Variants in GPC5 observed in about 807,000 individuals in gnomAD.
The protein encoded by GPC5 is glypican-5.
A neutral mutation model predicts 53.9 loss-of-function variants in GPC5; 47 were observed. That is an observed-to-expected ratio of 0.87 (90% CI 0.69 to 1.11). The LOEUF is 1.11. GPC5 is among the 50% of genes most tolerant of loss of function. The pLI is 0.00. For missense variants in GPC5, 748 were observed against 713.1 expected (o/e 1.05, Z -0.56); for synonymous variants, 286 against 263.3 (o/e 1.09, Z -0.84).
At chr13:91,566,931 C>T (rs1488768510) in intron 2 of GPC5, among the ~76,000 whole-genome samples, 44 of 140,782 alleles carry the variant, frequency 3.1e-4, no homozygotes, top group Non-Finnish European at 3.2e-4. Flanking sequence ...TCTTCCAATT[C>T]TTTTTTTTTT....
At chr13:92,294,814 T>C (rs1594077032) in intron 7 of GPC5, among the ~76,000 whole-genome samples, 2 of 131,548 alleles carry the variant, frequency 1.5e-5, no homozygotes, top group South Asian at 2.4e-4. Flanking sequence ...TGTTTCTTTC[T>C]TTTTTTTTTT....
intron 6 of GPC5, among the ~76,000 whole-genome samples, chr13:92,125,560 TGGGAGAGAGAAA>T (rs2041687703): frequency 6.6e-6 from 1 of 151,410 alleles, no homozygotes; most frequent in South Asian, 2.1e-4. Context: ...AGGACAGAGA[TGGGAGAGAGAAA>T]GGGAGGGGGA....
intron 6 of GPC5, among the ~76,000 whole-genome samples, chr13:92,028,038 A>G: frequency 6.6e-6 from 1 of 152,240 alleles, no homozygotes; most frequent in South Asian, 2.1e-4. Context: ...AATGTCAATA[A>G]CATTGGGGTA....
intron 6 of GPC5, among the ~76,000 whole-genome samples, chr13:92,025,069 G>A (rs1197633871): frequency 6.6e-6 from 1 of 152,006 alleles, no homozygotes; most frequent in African/African-American, 2.4e-5. Context: ...CCTTTCTTCT[G>A]TTACTGTCTT....
intron 6 of GPC5, among the ~76,000 whole-genome samples, chr13:91,974,728 C>T (rs1214310766): frequency 1.3e-5 from 2 of 152,190 alleles, no homozygotes; most frequent in African/African-American, 2.4e-5. Flanking sequence ...CCATCCCCAT[C>T]AAGTTACCAA....
intron 7 of GPC5, among the ~76,000 whole-genome samples, chr13:92,404,323 G>T (rs771081114): frequency 6.6e-6 from 1 of 152,108 alleles, no homozygotes; most frequent in African/African-American, 2.4e-5. Context: ...TCATGTTGAC[G>T]TCTGTGTCAC....
chr13:92,479,895 C>T (rs546761852), intron 7 of GPC5, among the ~76,000 whole-genome samples: 7 of 152,062 alleles, frequency 4.6e-5, no homozygotes, highest in African/African-American at 2.4e-5. Context: ...ATGTAAAATG[C>T]GTTTCTCAAT....
intron 6 of GPC5, among the ~76,000 whole-genome samples, chr13:92,092,794 A>G (rs1170866453): frequency 6.6e-6 from 1 of 152,182 alleles, no homozygotes; most frequent in Admixed American, 6.6e-5. Context: ...CAAATGTAAA[A>G]TGAATATATG....
At chr13:92,119,755 G>A (rs1294101607) in intron 6 of GPC5, among the ~76,000 whole-genome samples, 2 of 151,648 alleles carry the variant, frequency 1.3e-5, no homozygotes, top group African/African-American at 4.9e-5. Context: ...AATTTTGTAA[G>A]GAAAAATAAT....
At position 92,706,839 on chromosome 13, in the gene GPC5, G is replaced by A. The variant is rs115487110; in HGVS notation, c.1562-159443G>A. On this transcript the variant is annotated intron_variant, in intron 7 of 7. Transcript: ENST00000377067. ...GAATGTTTGTGTCCCTGCAAAATTC[G>A]TATGTTGAAATCCTAATTCCTAATG... Among the ~76,000 whole-genome samples the A allele has an allele frequency of 9.3e-3, 1,420 of 152,210 alleles. 27 individuals carry two copies. Among genetic ancestry groups the A allele is most frequent in the African/African-American group, 0.033 (1,371 of 41,536 alleles).
At chr13:92,863,206 C>T (rs555078843) in intron 7 of GPC5, among the ~76,000 whole-genome samples, 17 of 152,244 alleles carry the variant, frequency 1.1e-4, no homozygotes, top group Admixed American at 8.5e-4. Flanking sequence ...TGCTTGGAAT[C>T]AGGGAGGCAG....
intron 7 of GPC5, among the ~76,000 whole-genome samples, chr13:92,367,614 A>G (rs1254072174): frequency 2.0e-5 from 3 of 152,230 alleles, no homozygotes; most frequent in Admixed American, 6.5e-5. Flanking sequence ...TTATCTGCTG[A>G]AAATAATTTT....
At chr13:91,776,135 A>G (rs371315695) in intron 5 of GPC5, among the ~76,000 whole-genome samples, 5 of 152,252 alleles carry the variant, frequency 3.3e-5, no homozygotes, top group African/African-American at 7.2e-5. Flanking sequence ...AAGATCATCA[A>G]TGTTGGACCC....
intron 7 of GPC5, among the ~76,000 whole-genome samples, chr13:92,363,812 T>C (rs1046198327): frequency 4.0e-5 from 6 of 151,736 alleles, no homozygotes; most frequent in African/African-American, 1.5e-4. Flanking sequence ...AGCATACAAT[T>C]ATAAATACAG....
chr13:92,124,262 A>C (rs919372156), intron 6 of GPC5, among the ~76,000 whole-genome samples: 5 of 150,938 alleles, frequency 3.3e-5, no homozygotes, highest in East Asian at 1.9e-4. Context: ...AAAAAAAAAA[A>C]AAAAAAAAAA....
chr13:92,425,868 C>T (rs539180148), intron 7 of GPC5, among the ~76,000 whole-genome samples: 23 of 152,148 alleles, frequency 1.5e-4, no homozygotes, highest in African/African-American at 5.5e-4. Context: ...TACTCAAACA[C>T]TAGCATGTTA....
chr13:91,526,875 A>G (rs953456894), intron 2 of GPC5, among the ~76,000 whole-genome samples: 29 of 152,172 alleles, frequency 1.9e-4, no homozygotes, highest in African/African-American at 5.8e-4. Flanking sequence ...GAGAGAGCAC[A>G]GGGGAAATTG....
At chr13:91,621,322 C>T (rs144809368) in intron 2 of GPC5, among the ~76,000 whole-genome samples, 43 of 152,200 alleles carry the variant, frequency 2.8e-4, no homozygotes, top group African/African-American at 9.4e-4. Context: ...CTGATAACAG[C>T]ACACATATTT....
intron 2 of GPC5, among the ~76,000 whole-genome samples, chr13:91,587,308 T>G (rs1342769099): frequency 2.6e-5 from 4 of 152,164 alleles, no homozygotes; most frequent in Non-Finnish European, 5.9e-5. Context: ...AAGATTACTG[T>G]TTTTTAAATG....
Sources: gnomAD v4.1 joint callset for allele counts (sites outside exome capture counted in the v4.1 genomes callset) on GRCh38, gnomAD v4.1.1 for gene constraint, MANE v1.5 for transcripts, NCBI Gene and HGNC (gene_info 2026-07-23, HGNC 2026-07-21) for gene names.